Variants in MYH15 observed in about 807,000 individuals in gnomAD.
MYH15 encodes the protein myosin-15.
Under a neutral mutation model 240.5 loss-of-function variants are expected in MYH15, and 227 were observed. That is an observed-to-expected ratio of 0.94 (90% CI 0.85 to 1.05). The LOEUF (loss-of-function observed/expected upper bound fraction) is 1.05, where lower values mean the gene tolerates loss of function less well. Ranked by LOEUF, MYH15 falls within the 50% of genes least tolerant of loss-of-function variation. The probability of loss-of-function intolerance (pLI) is 0.00; values close to 1 mark genes in which losing one functional copy is unlikely to be tolerated. For synonymous variants in MYH15, 785 were observed against 796.7 expected (o/e 0.99, Z 0.25); for missense variants, 2,217 against 2,247.5 (o/e 0.99, Z 0.27).
chr3:108,543,150 G>A, the MYH15 span, among the ~76,000 whole-genome samples: 736 of 152,152 alleles, frequency 4.8e-3, 1 homozygote, highest in Non-Finnish European at 6.8e-3. Context: ...AAGTGCTGGG[G>A]TTACAGGCGT....
chr3:108,438,182 C>A (rs1426146893), intron 24 of MYH15, among the ~76,000 whole-genome samples: 1 of 152,154 alleles, frequency 6.6e-6, no homozygotes, highest in Non-Finnish European at 1.5e-5. Flanking sequence ...TTGCAAGAAC[C>A]CCCTGGCATC....
chr3:108,493,369 C>T (rs1186041054), intron 7 of MYH15, among the ~76,000 whole-genome samples, 192 bp from the exon 8 acceptor site: 1 of 151,760 alleles, frequency 6.6e-6, no homozygotes, highest in Non-Finnish European at 1.5e-5. Flanking sequence ...TGAGATGAGA[C>T]AGCACCAGCT....
intron 1 of MYH15, among the ~76,000 whole-genome samples, chr3:108,520,753 T>C (rs907885714): frequency 2.6e-5 from 4 of 152,162 alleles, no homozygotes; most frequent in Non-Finnish European, 5.9e-5. Flanking sequence ...CTCCAGTGAT[T>C]TGGAGCAATT....
In MYH15 at chr3:108,394,019, C is replaced by A; in HGVS notation, c.5259+12G>T. On this transcript the variant is annotated intron_variant, in intron 36 of 40. Coordinates refer to ENST00000693548, the MANE Select transcript of MYH15 (RefSeq NM_014981.3). ...TGGGAGACAGGATTGAGTACGTGGT[C>A]AAGGGACCCACCTCAATGGCTGCCT... 2 of 1,613,446 alleles carry A rather than the reference C, an allele frequency of 1.2e-6. No homozygotes were observed. Among genetic ancestry groups the A allele is most frequent in the South Asian group, 2.2e-5 (2 of 91,026 alleles).
intron 7 of MYH15, 122 bp from the exon 8 acceptor site, chr3:108,493,299 AC>A (rs1452765710): frequency 1.6e-5 from 10 of 623,102 alleles, no homozygotes; most frequent in South Asian, 4.3e-5. Context: ...GAAGTAAAAA[AC>A]AAACAAAAAA....
intron 9 of MYH15, among the ~76,000 whole-genome samples, chr3:108,492,201 T>TACACACACACAC (rs10662107): frequency 0.039 from 5,710 of 147,960 alleles, 367 homozygotes; most frequent in East Asian, 0.33. Context: ...AATGCTTTTA[T>TACACACACACAC]ACACACACAC....
chr3:108,538,659 A>G, the MYH15 span, among the ~76,000 whole-genome samples: 10 of 152,198 alleles, frequency 6.6e-5, no homozygotes, highest in African/African-American at 2.4e-4. Flanking sequence ...AAATAAAACT[A>G]TCACTGTTTT....
chr3:108,439,593 G>T lies in MYH15; in HGVS notation c.3075+144C>A, dbSNP rs748882995. The T allele has an allele frequency of 5.5e-4, 404 of 730,574 alleles. 1 individual carries two copies. The highest frequency in any genetic ancestry group is 1.4e-4 in the Non-Finnish European group (66 of 479,506). 45.3% of individuals were successfully genotyped at this position (730,574 alleles called of 1,614,324 possible). ...ATCGTGGTTTTGTGTATAAGAAAAA[G>T]AACCCTTTTATTCTCAATAATCAGG... On this transcript the variant is annotated intron_variant, in intron 24 of 40. Coordinates refer to ENST00000693548, the MANE Select transcript of MYH15 (RefSeq NM_014981.3).
At chr3:108,382,411 C>T (rs1320180866) in intron 40 of MYH15, among the ~76,000 whole-genome samples, 1 of 152,082 alleles carries the variant, frequency 6.6e-6, no homozygotes, top group East Asian at 1.9e-4. Context: ...CTTTTGACCT[C>T]CCTTAAGGTA....
At chr3:108,409,548 C>T (rs996140081) in intron 31 of MYH15, among the ~76,000 whole-genome samples, 4 of 152,202 alleles carry the variant, frequency 2.6e-5, no homozygotes, top group Non-Finnish European at 5.9e-5. Context: ...TTTTAGCACC[C>T]GTCACGTCTC....
At position 108,430,869 on chromosome 3, in the gene MYH15, A is replaced by G; in HGVS notation, c.3275T>C (p.Leu1092Pro). Residue 1092 changes from leucine to proline, a missense_variant, in exon 26 of 41, where the codon CTG (leucine) becomes CCG (proline). Leu to Pro is a moderately conservative substitution (Grantham distance 98). Transcript: ENST00000693548. The part of the protein sequence containing the change: ...MNSKVENEKG[L>P]VAQLQKTVKE... ...AACCGTCTTCTGAAGCTGAGCTACC[A>G]GGCCTTTCTCATTCTCCACTTTTGA... is the stretch of plus-strand genomic sequence containing the variant. 6 of 1,612,614 alleles carry G rather than the reference A, an allele frequency of 3.7e-6. No individual in the cohort carries two copies. Among genetic ancestry groups the G allele is most frequent in the Non-Finnish European group, 5.1e-6 (6 of 1,179,744 alleles).
At chr3:108,414,571 T>A in intron 29 of MYH15, 143 bp from the exon 30 acceptor site, 1 of 652,556 alleles carries the variant, frequency 1.5e-6, no homozygotes, top group Non-Finnish European at 2.6e-6. Flanking sequence ...AAGATAACAC[T>A]AGGGAGAGAA....
Position 108,441,199 on chromosome 3 carries a change from T to G in MYH15, c.2717A>C (p.Gln906Pro). 1 of 1,614,122 alleles carries G rather than the reference T, an allele frequency of 6.2e-7. No individual in the cohort carries two copies. The highest frequency in any genetic ancestry group is 1.6e-4 in the Middle Eastern group (1 of 6,062). ...QCEWLIKSKIQLEARVKELSE... is the reference protein window; with the variant it reads ...QCEWLIKSKIPLEARVKELSE... ...CAGCTCCTTTACTCTGGCCTCCAGC[T>G]GGATCTTGGATTTAATCAGCCACTC... is the stretch of plus-strand genomic sequence containing the variant. The change falls in exon 23 of 41, where the codon CAG (glutamine) becomes CCG (proline). Residue 906 changes from glutamine (Q) to proline (P), a missense_variant. Transcript: ENST00000693548.
In MYH15 at chr3:108,500,259, A is replaced by G; in HGVS notation, c.355T>C (p.Phe119Leu). Residue 119 changes from phenylalanine (F) to leucine (L), a missense_variant, in exon 4 of 41, where the codon TTC becomes CTC. By Grantham distance (22) the Phe-to-Leu change is conservative (BLOSUM62 0). Coordinates refer to ENST00000693548, the MANE Select transcript of MYH15 (RefSeq NM_014981.3). ...QWMIYTYSGL[F>L]CVTINPYKWL... is the part of the protein sequence containing the mutation. The stretch of plus-strand genomic sequence containing the variant: ...TTGTAAGGGTTTATGGTCACACAGA[A>G]GAGACCTGAATATGTCTGAGGGAAA... 6.2e-7 allele frequency: 1 copy of G among 1,613,374 alleles called. No individual in the cohort carries two copies. Among genetic ancestry groups the G allele is most frequent in the Non-Finnish European group, 8.5e-7 (1 of 1,179,680 alleles).
chr3:108,534,761 G>A, the MYH15 span, among the ~76,000 whole-genome samples: 1 of 150,452 alleles, frequency 6.6e-6, no homozygotes, highest in African/African-American at 2.5e-5. Flanking sequence ...TGCACCTGTA[G>A]TCCCAGCTAC....
intron 1 of MYH15, among the ~76,000 whole-genome samples, chr3:108,517,203 C>T (rs191172789): frequency 1.3e-5 from 2 of 152,340 alleles, no homozygotes; most frequent in Admixed American, 1.3e-4. Flanking sequence ...TAGTTTCTAT[C>T]TCCCAGCGTT....
At chr3:108,510,398 G>A in intron 1 of MYH15, 45 bp downstream of exon 1, 2 of 1,573,512 alleles carry the variant, frequency 1.3e-6, no homozygotes, top group Non-Finnish European at 1.7e-6. Context: ...TCACCATCTT[G>A]AAGGAGCAAA....
the MYH15 span, among the ~76,000 whole-genome samples, chr3:108,535,138 C>T: frequency 1.3e-5 from 2 of 152,108 alleles, no homozygotes; most frequent in Non-Finnish European, 2.9e-5. Flanking sequence ...ATTAACATTG[C>T]CTGGGAACTT....
Position 108,470,770 on chromosome 3 carries a change from C to T in MYH15, c.1311G>A (p.Arg437=). The T allele has an allele frequency of 6.2e-7, 1 of 1,613,796 alleles. No homozygotes were observed. The highest frequency in any genetic ancestry group is 1.1e-5 in the South Asian group (1 of 91,044). ...MFKWLVARIN[R]ALDAKLSRQF... is the part of the protein sequence containing the mutation. Reference sequence around the variant, plus strand: ...GCCTTGACAGCTTGGCATCCAGGGCCCTGTTGATCCGTGCCACTAGCCACT... The same window carrying T: ...GCCTTGACAGCTTGGCATCCAGGGCTCTGTTGATCCGTGCCACTAGCCACT... Residue 437 remains arginine, a synonymous_variant, in exon 13 of 41, where the codon AGG becomes AGA. Transcript: ENST00000693548.
Sources: gnomAD v4.1 joint callset for allele counts (sites outside exome capture counted in the v4.1 genomes callset) on GRCh38, gnomAD v4.1.1 for gene constraint, MANE v1.5 for transcripts, NCBI Gene and HGNC (gene_info 2026-07-23, HGNC 2026-07-21) for gene names.